The following CDIN1 variants were observed in gnomAD, a reference collection of about 807,000 sequenced individuals.
CDIN1 encodes the protein CDAN1-interacting nuclease 1.
In CDIN1, 33 loss-of-function variants were observed where a neutral mutation model predicts 45.3. That is an observed-to-expected ratio of 0.73 (90% CI 0.55 to 0.97). The LOEUF (loss-of-function observed/expected upper bound fraction) is 0.97, where lower values mean the gene tolerates loss of function less well. Among genes scored for constraint, CDIN1 ranks in the 50% least tolerant of loss-of-function variants. The pLI is 0.00. For synonymous variants in CDIN1, 118 were observed against 124.4 expected (o/e 0.95, Z 0.34); for missense variants, 303 against 339.4 (o/e 0.89, Z 0.84).
In CDIN1 at chr15:36,690,163, C is replaced by T. The variant is rs180753882; in HGVS notation, c.347-1522C>T. On this transcript the variant is annotated intron_variant, in intron 5 of 10. Transcript: ENST00000566621. ...ATGTAGTTATATGACTAACAGTGGG[C>T]AGTAATTAAAATAATCATGCTTCAT... Among the ~76,000 whole-genome samples the T allele has an allele frequency of 2.0e-5, 3 of 152,216 alleles. No homozygotes were observed. The East Asian group carries it at 5.8e-4, about 29-fold the overall frequency.
chr15:36,703,885 C>T (rs766678075), intron 8 of CDIN1, among the ~76,000 whole-genome samples: 32 of 152,122 alleles, frequency 2.1e-4, no homozygotes, highest in Non-Finnish European at 4.0e-4. Flanking sequence ...GGCTAACAGT[C>T]AATCTTTCCT....
rs187171075 is a variant in CDIN1 at position 36,685,656 on chromosome 15, C to T, written c.347-6029C>T. ...AATGGGAGAAAATTTTCTCAACCTACTCATCTGACAAAGGGCTAATATCCA... is the reference window on the plus strand; with the variant it reads ...AATGGGAGAAAATTTTCTCAACCTATTCATCTGACAAAGGGCTAATATCCA... On this transcript the variant is annotated intron_variant, in intron 5 of 10. Coordinates refer to ENST00000566621, the MANE Select transcript of CDIN1 (RefSeq NM_001321759.2). Among the ~76,000 whole-genome samples, 446 of 152,226 alleles carry T rather than the reference C, an allele frequency of 2.9e-3. 3 individuals carry two copies. The highest frequency in any genetic ancestry group is 0.017 in the Middle Eastern group (5 of 294).
rs576581066 is a variant in CDIN1 at position 36,730,028 on chromosome 15, CT to C, written c.716+20070del. 5.9e-5 allele frequency among the ~76,000 whole-genome samples: 9 copies of C among 152,188 alleles called. No homozygotes were observed. In the South Asian group the frequency reaches 1.7e-3, roughly 28 times the overall value. On this transcript the variant is annotated intron_variant, in intron 10 of 10. Transcript: ENST00000566621. The stretch of plus-strand genomic sequence containing the variant: ...TTTTCTAAATACATTTCTTTGACAT[CT>C]TTGTTCCCACTAACCCACATCTACT...
chr15:36,701,817 G>T (rs1331261148), intron 8 of CDIN1, among the ~76,000 whole-genome samples: 2 of 152,172 alleles, frequency 1.3e-5, no homozygotes, highest in African/African-American at 2.4e-5. Flanking sequence ...TGTAGCATTT[G>T]TGTATTACTC....
chr15:36,659,905 G>T (rs564405267), intron 5 of CDIN1, among the ~76,000 whole-genome samples: 1 of 150,582 alleles, frequency 6.6e-6, no homozygotes, highest in African/African-American at 2.4e-5. Context: ...TTTGCTGATG[G>T]TGCTAGGTTA....
At chr15:36,778,357 A>C (rs16964032) in intron 10 of CDIN1, among the ~76,000 whole-genome samples, 24,985 of 152,034 alleles carry the variant, frequency 0.16, 3,673 homozygotes, top group African/African-American at 0.4. Context: ...ATTTAATTAA[A>C]TCTGAAACTC....
intron 10 of CDIN1, among the ~76,000 whole-genome samples, chr15:36,749,619 G>T (rs892785292): frequency 1.3e-5 from 2 of 152,164 alleles, no homozygotes; most frequent in Non-Finnish European, 2.9e-5. Flanking sequence ...TGAACATTAG[G>T]AATGGGATGC....
chr15:36,723,158 C>T (rs1208949753), intron 10 of CDIN1, among the ~76,000 whole-genome samples: 3 of 152,132 alleles, frequency 2.0e-5, no homozygotes, highest in African/African-American at 4.8e-5. Context: ...CCCTTTCTTG[C>T]TTCTCTTTAT....
chr15:36,804,267 T>C (rs966751710), intron 10 of CDIN1, among the ~76,000 whole-genome samples: 36 of 152,304 alleles, frequency 2.4e-4, no homozygotes, highest in Admixed American at 1.0e-3. Flanking sequence ...GTAACTATAT[T>C]ATTTTCACTA....
intron 5 of CDIN1, among the ~76,000 whole-genome samples, chr15:36,690,671 A>G (rs770605984): frequency 1.3e-5 from 2 of 152,214 alleles, no homozygotes; most frequent in Non-Finnish European, 2.9e-5. Flanking sequence ...TCAGAACTTG[A>G]ATGATGATAA....
chr15:36,607,005 A>G (rs2038408822), intron 1 of CDIN1, among the ~76,000 whole-genome samples: 1 of 152,210 alleles, frequency 6.6e-6, no homozygotes, highest in South Asian at 2.1e-4. Context: ...CTCTACTACC[A>G]TTTTGGTGGC....
chr15:36,784,606 A>AT (rs2054441373), intron 10 of CDIN1, among the ~76,000 whole-genome samples: 1 of 152,210 alleles, frequency 6.6e-6, no homozygotes, highest in Admixed American at 6.5e-5. Flanking sequence ...AATCTATCTT[A>AT]TTCTGTGGAT....
intron 5 of CDIN1, among the ~76,000 whole-genome samples, chr15:36,673,930 T>C (rs79125283): frequency 1.3e-5 from 2 of 151,548 alleles, no homozygotes; most frequent in African/African-American, 4.8e-5. Flanking sequence ...GAGAATGAGA[T>C]TTTTTTTTCC....
intron 3 of CDIN1, among the ~76,000 whole-genome samples, chr15:36,650,899 C>A (rs1167349499): frequency 6.6e-6 from 1 of 151,986 alleles, no homozygotes; most frequent in Non-Finnish European, 1.5e-5. Context: ...CCTATCTCTA[C>A]TAAAAGCACA....
intron 1 of CDIN1, among the ~76,000 whole-genome samples, chr15:36,590,780 A>G (rs958233920): frequency 6.6e-6 from 1 of 152,242 alleles, no homozygotes; most frequent in African/African-American, 2.4e-5. Context: ...TGATATTTAC[A>G]AGGTTTATCA....
chr15:36,751,072 T>C (rs908380471), intron 10 of CDIN1, among the ~76,000 whole-genome samples: 1 of 151,740 alleles, frequency 6.6e-6, no homozygotes, highest in Non-Finnish European at 1.5e-5. Context: ...CGGTACTGGG[T>C]AAGGGAAGCC....
intron 10 of CDIN1, among the ~76,000 whole-genome samples, chr15:36,769,992 C>G (rs2054027376): frequency 6.6e-6 from 1 of 152,094 alleles, no homozygotes; most frequent in Non-Finnish European, 1.5e-5. Context: ...AAGACATAAC[C>G]CATTTTCTTT....
chr15:36,621,796 T>A lies in CDIN1; in HGVS notation c.102-22482T>A, dbSNP rs546384656. Among the ~76,000 whole-genome samples, 6 of 152,190 alleles carry A rather than the reference T, an allele frequency of 3.9e-5. No individual in the cohort carries two copies. In the South Asian group the frequency reaches 1.2e-3, roughly 32 times the overall value. On this transcript the variant is annotated intron_variant, in intron 1 of 10. Transcript: ENST00000566621. ...ATTCCTTGGTGCTAGCCATTCAAAATTGTGTGAAGGGCAGTATCTGACTTA... is the reference window on the plus strand; with the variant it reads ...ATTCCTTGGTGCTAGCCATTCAAAAATGTGTGAAGGGCAGTATCTGACTTA...
At chr15:36,592,458 GT>G (rs1436255499) in intron 1 of CDIN1, among the ~76,000 whole-genome samples, 1 of 152,182 alleles carries the variant, frequency 6.6e-6, no homozygotes, top group African/African-American at 2.4e-5. Flanking sequence ...TGAGACTTTT[GT>G]ACCTTATGGC....
Sources: gnomAD v4.1 joint callset for allele counts (sites outside exome capture counted in the v4.1 genomes callset) on GRCh38, gnomAD v4.1.1 for gene constraint, MANE v1.5 for transcripts, NCBI Gene and HGNC (gene_info 2026-07-23, HGNC 2026-07-21) for gene names.